Variants in LIPC observed in about 807,000 individuals in gnomAD.
LIPC encodes hepatic triacylglycerol lipase.
A neutral mutation model predicts 50.7 loss-of-function variants in LIPC; 44 were observed. That is an observed-to-expected ratio of 0.87 (90% CI 0.68 to 1.11). The LOEUF (loss-of-function observed/expected upper bound fraction) is 1.11. Ranked by LOEUF, LIPC falls within the 50% of genes most tolerant of loss-of-function variation. LIPC has a pLI of 0.00. For synonymous variants in LIPC, 271 were observed against 256.4 expected, an observed-to-expected ratio of 1.06 and a Z score of -0.54; for missense variants, 697 against 648.2, an observed-to-expected ratio of 1.08 and a Z score of -0.82.
At chr15:58,480,270 C>CTTCATTCATTCA (rs1173835424) in intron 1 of LIPC, among the ~76,000 whole-genome samples, 1 of 152,142 alleles carries the variant, frequency 6.6e-6, no homozygotes. Flanking sequence ...TGTCCATAAG[C>CTTCATTCATTCA]TTCATTCATT....
intron 1 of LIPC, chr15:58,521,929 CTT>C (rs1892668992): frequency 6.6e-6 from 1 of 151,804 alleles, no homozygotes; most frequent in Non-Finnish European, 1.5e-5. Context: ...CTCTCTCTCT[CTT>C]TCCTTCCTGG....
At chr15:58,563,347 A>G (rs1894233265) in intron 7 of LIPC, among the ~76,000 whole-genome samples, 158 bp from the exon 8 acceptor site, 1 of 152,188 alleles carries the variant, frequency 6.6e-6, no homozygotes, top group Non-Finnish European at 1.5e-5. Context: ...TGGCACACCT[A>G]CTGCTAACTC....
intron 1 of LIPC, among the ~76,000 whole-genome samples, chr15:58,526,862 A>C (rs1555404111): frequency 6.6e-6 from 1 of 152,210 alleles, no homozygotes; most frequent in Non-Finnish European, 1.5e-5. Flanking sequence ...ACTTAGAAGA[A>C]GGAAGTTGAG....
chr15:58,494,726 G>A (rs1285466302), intron 1 of LIPC: 1 of 454,456 alleles, frequency 2.2e-6, no homozygotes, highest in Non-Finnish European at 4.4e-6. Flanking sequence ...GCTTGGGTGG[G>A]ATCTCTTTAA....
At chr15:58,498,762 C>T (rs1891866118) in intron 1 of LIPC, 1 of 152,200 alleles carries the variant, frequency 6.6e-6, no homozygotes, top group Non-Finnish European at 1.5e-5. Context: ...AGTCACAAAA[C>T]CCAGGTTCAA....
intron 1 of LIPC, among the ~76,000 whole-genome samples, chr15:58,479,267 A>G (rs1021494955): frequency 1.3e-5 from 2 of 152,266 alleles, no homozygotes; most frequent in South Asian, 2.1e-4. Flanking sequence ...ATAGCACTGT[A>G]GTGACACTGT....
intron 8 of LIPC, chr15:58,565,680 G>A (rs1894341256): frequency 4.0e-6 from 4 of 1,009,522 alleles, no homozygotes; most frequent in Non-Finnish European, 2.4e-6. Context: ...TGTTGGGGGT[G>A]TGCTGTTTCC....
intron 8 of LIPC, among the ~76,000 whole-genome samples, chr15:58,567,214 A>T (rs71407075): frequency 0.21 from 28,019 of 136,654 alleles, 4,033 homozygotes; most frequent in South Asian, 0.41. Flanking sequence ...AAAAATAAAA[A>T]ATATATATAT....
intron 1 of LIPC, chr15:58,533,092 T>C (rs1228960592): frequency 8.0e-6 from 7 of 873,040 alleles, no homozygotes; most frequent in Non-Finnish European, 1.4e-6. Flanking sequence ...CTCAATTTAA[T>C]ATTCCTCCTC....
intron 1 of LIPC, among the ~76,000 whole-genome samples, chr15:58,488,378 G>A (rs541302836): frequency 6.6e-6 from 1 of 152,336 alleles, no homozygotes; most frequent in South Asian, 2.1e-4. Flanking sequence ...ACATGCCTCA[G>A]TTTCCTTATC....
At chr15:58,524,486 C>T (rs1389363338) in intron 1 of LIPC, among the ~76,000 whole-genome samples, 7 of 152,178 alleles carry the variant, frequency 4.6e-5, no homozygotes, top group African/African-American at 1.7e-4. Flanking sequence ...AGAGAAAATG[C>T]ATTTGTAACT....
intron 1 of LIPC, among the ~76,000 whole-genome samples, chr15:58,470,219 A>G (rs558630548): frequency 8.9e-4 from 136 of 152,302 alleles, no homozygotes; most frequent in African/African-American, 3.1e-3. Context: ...GGCATGAGTC[A>G]CCGCACCCAG....
At chr15:58,508,091 T>A (rs1238844557) in intron 1 of LIPC, among the ~76,000 whole-genome samples, 3 of 152,146 alleles carry the variant, frequency 2.0e-5, no homozygotes, top group African/African-American at 7.2e-5. Context: ...GTGATATGGG[T>A]TCAGTTGATG....
intron 1 of LIPC, among the ~76,000 whole-genome samples, chr15:58,482,167 G>A (rs551805718): frequency 1.3e-5 from 2 of 152,268 alleles, no homozygotes; most frequent in South Asian, 4.1e-4. Context: ...GTACAAAATG[G>A]TACATGGTAA....
At chr15:58,555,450 C>T (rs958842630) in intron 6 of LIPC, among the ~76,000 whole-genome samples, 5 of 152,262 alleles carry the variant, frequency 3.3e-5, no homozygotes, top group African/African-American at 9.6e-5. Context: ...TTTCAAGGGA[C>T]AGACTCAGCT....
At chr15:58,550,512 C>T (rs780795049) in intron 6 of LIPC, among the ~76,000 whole-genome samples, 1 of 152,242 alleles carries the variant, frequency 6.6e-6, no homozygotes, top group East Asian at 1.9e-4. Flanking sequence ...TTAAGGAAGA[C>T]CAAAGAATTG....
intron 1 of LIPC, among the ~76,000 whole-genome samples, chr15:58,526,310 C>T (rs541650616): frequency 5.9e-5 from 9 of 152,332 alleles, no homozygotes; most frequent in Admixed American, 5.9e-4. Flanking sequence ...AGAACCCTGG[C>T]TGGAGTGTTT....
chr15:58,504,017 AC>A, intron 1 of LIPC, among the ~76,000 whole-genome samples: 1 of 152,346 alleles, frequency 6.6e-6, no homozygotes, highest in Non-Finnish European at 1.5e-5. Context: ...TCAAGATATG[AC>A]AGGACATCAT....
At chr15:58,458,318 G>T (rs1282094253) in intron 1 of LIPC, among the ~76,000 whole-genome samples, 3 of 152,272 alleles carry the variant, frequency 2.0e-5, no homozygotes, top group East Asian at 3.9e-4. Context: ...CCTGAGCAAG[G>T]TCGGCTTATG....
Sources: allele counts gnomAD v4.1 joint callset (sites outside exome capture counted in the v4.1 genomes callset), GRCh38; gene constraint gnomAD v4.1.1; transcripts MANE v1.5; gene names NCBI Gene and HGNC (gene_info 2026-07-23, HGNC 2026-07-21).